SLC22A25: variants seen among roughly 807,000 people sequenced by gnomAD.
SLC22A25 encodes the protein solute carrier family 22 member 25, also known as MGI:2442751, MGI:2385316, MGI:3042283, MGI:3645714, MGI:3605624, MGI:2442750.
SLC22A25 carries 44 observed loss-of-function variants against 45.9 expected under a neutral mutation model. The ratio of observed to expected loss-of-function variants is 0.96; its 90% CI spans 0.75 to 1.23. The LOEUF (loss-of-function observed/expected upper bound fraction) is 1.23. Ranked by LOEUF, SLC22A25 falls within the 50% of genes most tolerant of loss-of-function variation. The pLI is 0.00. For synonymous variants in SLC22A25, 283 were observed against 238.6 expected, an observed-to-expected ratio of 1.19 and a Z score of -1.72; for missense variants, 800 against 666.4, an observed-to-expected ratio of 1.20 and a Z score of -2.21.
At chr11:63,233,364 G>C (rs1250639828) in intron 3 of SLC22A25, among the ~76,000 whole-genome samples, 1 of 152,146 alleles carries the variant, frequency 6.6e-6, no homozygotes, top group African/African-American at 2.4e-5. Context: ...TTAGTCTTGG[G>C]CGGGTGTATG....
Position 63,163,653 on chromosome 11 carries a change from G to C in SLC22A25, c.*171C>G. ...ACAAATTAACCTCCTGGACAGGCTG[G>C]GCAGAGATGGTCTGTGTGATCTAGT... On this transcript the variant is annotated 3_prime_UTR_variant, in exon 12 of 12. Transcript: ENST00000306494. 1 of 970,514 alleles carries C rather than the reference G, an allele frequency of 1.0e-6. No individual in the cohort carries two copies. Among genetic ancestry groups the C allele is most frequent in the Non-Finnish European group, 1.5e-6 (1 of 685,928 alleles). 60.1% of individuals were successfully genotyped at this position (970,514 alleles called of 1,614,324 possible).
chr11:63,171,555 A>C (rs777843257), intron 9 of SLC22A25, among the ~76,000 whole-genome samples: 1 of 152,230 alleles, frequency 6.6e-6, no homozygotes, highest in Admixed American at 6.5e-5. Flanking sequence ...ACTCCCATTC[A>C]CAATTGCTAC....
chr11:63,188,653 G>A (rs1184198607), intron 7 of SLC22A25, among the ~76,000 whole-genome samples: 1 of 152,014 alleles, frequency 6.6e-6, no homozygotes, highest in Non-Finnish European at 1.5e-5. Context: ...GTCAATTTTG[G>A]ATCTTTCCTG....
chr11:63,196,914 A>T (rs10897387), intron 7 of SLC22A25, among the ~76,000 whole-genome samples: 55,962 of 152,060 alleles, frequency 0.37, 10,566 homozygotes, highest in East Asian at 0.56. Context: ...AAGTCTCAGG[A>T]TACAAAATCA....
chr11:63,185,034 G>A (rs1182797937), intron 7 of SLC22A25, among the ~76,000 whole-genome samples: 2 of 152,126 alleles, frequency 1.3e-5, no homozygotes, highest in East Asian at 3.8e-4. Flanking sequence ...ACACATTGCA[G>A]GACCTGACAG....
intron 9 of SLC22A25, among the ~76,000 whole-genome samples, chr11:63,171,390 AT>A (rs1335853248): frequency 1.3e-5 from 2 of 152,170 alleles, no homozygotes; most frequent in Non-Finnish European, 2.9e-5. Context: ...AGATGACATG[AT>A]TGTATATTTA....
intron 8 of SLC22A25, 111 bp downstream of exon 8, chr11:63,183,583 C>T (rs1368631529): frequency 4.3e-6 from 6 of 1,384,282 alleles, no homozygotes; most frequent in Middle Eastern, 3.6e-4. Flanking sequence ...GGTGAGATGA[C>T]CCATAACTCT....
chr11:63,178,407 G>T (rs1320231318), intron 9 of SLC22A25, among the ~76,000 whole-genome samples: 1 of 151,482 alleles, frequency 6.6e-6, no homozygotes. Context: ...GTTTTGCATA[G>T]TGGCTGTACT....
At chr11:63,190,517 T>C (rs1590827938) in intron 7 of SLC22A25, among the ~76,000 whole-genome samples, 1 of 151,122 alleles carries the variant, frequency 6.6e-6, no homozygotes, top group South Asian at 2.1e-4. Flanking sequence ...CGGAGTAGTT[T>C]GATCATCTGA....
intron 9 of SLC22A25, among the ~76,000 whole-genome samples, chr11:63,171,428 A>G (rs1173916192): frequency 6.6e-6 from 1 of 152,026 alleles, no homozygotes; most frequent in Non-Finnish European, 1.5e-5. Flanking sequence ...CAGCCCCAAA[A>G]CTCCTTAAGC....
intron 9 of SLC22A25, among the ~76,000 whole-genome samples, chr11:63,178,687 G>A (rs918316762): frequency 1.3e-5 from 2 of 151,810 alleles, no homozygotes; most frequent in African/African-American, 4.8e-5. Context: ...AGTTGTTTAT[G>A]TTCCTTATAG....
chr11:63,207,817 T>A (rs1205474523), intron 7 of SLC22A25, among the ~76,000 whole-genome samples: 3 of 152,226 alleles, frequency 2.0e-5, no homozygotes, highest in African/African-American at 7.2e-5. Flanking sequence ...CATGTTTGTT[T>A]TTGAAATGTA....
Position 63,166,081 on chromosome 11 carries a change from C to T in SLC22A25, c.1248G>A (p.Leu416=), listed in dbSNP as rs770143605. 5 of 1,613,816 alleles carry T rather than the reference C, an allele frequency of 3.1e-6. No homozygotes were observed. Among genetic ancestry groups the T allele is most frequent in the Non-Finnish European group, 2.5e-6 (3 of 1,179,926 alleles). The change falls in exon 10 of 12, where the codon CTG becomes CTA. Residue 416 remains leucine (L), a synonymous_variant. Coordinates refer to ENST00000306494, the MANE Select transcript of SLC22A25 (RefSeq NM_199352.6). ...RLSQMLLMFL[L]ATCLLAIIFV... is the part of the protein sequence containing the mutation. ...ATATGATGGCCAGAAGGCAGGTTGC[C>T]AGTAGGAACATGAGAAGCATCTGGC...
chr11:63,231,809 G>A (rs1438518398), intron 3 of SLC22A25, among the ~76,000 whole-genome samples: 2 of 152,122 alleles, frequency 1.3e-5, no homozygotes, highest in Non-Finnish European at 2.9e-5. Flanking sequence ...TAATTTTTGT[G>A]TAAGGTATAA....
chr11:63,193,424 T>G lies in SLC22A25; in HGVS notation c.831-9607A>C, dbSNP rs564121643. ...CACCTCATACAACTGGGTGCCCCCCTGAGACGAAGTTCCAGAGGAAGGATC... is the reference window on the plus strand; with the variant it reads ...CACCTCATACAACTGGGTGCCCCCCGGAGACGAAGTTCCAGAGGAAGGATC... On this transcript the variant is annotated intron_variant, in intron 7 of 11. Coordinates refer to ENST00000306494, the MANE Select transcript of SLC22A25 (RefSeq NM_199352.6). 3.9e-5 allele frequency among the ~76,000 whole-genome samples: 6 copies of G among 152,328 alleles called. No homozygotes were observed. In the East Asian group the frequency reaches 9.7e-4, roughly 25 times the overall value.
chr11:63,217,982 T>TCAAAA, intron 5 of SLC22A25: 1 of 625,336 alleles, frequency 1.6e-6, no homozygotes, highest in Non-Finnish European at 2.9e-6. Flanking sequence ...TGATACAAAT[T>TCAAAA]CAAAACATGT....
In SLC22A25 at chr11:63,165,908, A is replaced by C. The variant is rs938039453; in HGVS notation, c.1285+136T>G. 5 of 1,141,870 alleles carry C rather than the reference A, an allele frequency of 4.4e-6. No homozygotes were observed. The East Asian group carries it at 1.0e-4, about 24-fold the overall frequency. The allele number at this position is 1,141,870 out of a possible 1,614,324, so 70.7% of individuals were successfully genotyped here. On this transcript the variant is annotated intron_variant, in intron 10 of 11. Coordinates refer to ENST00000306494, the MANE Select transcript of SLC22A25 (RefSeq NM_199352.6). The stretch of plus-strand genomic sequence containing the variant: ...TTCCGTGTGGCAAAATCTGTCCTAA[A>C]GCCCCAGATTTCTATCAGGGAATCC...
At chr11:63,213,625 G>A (rs2089635150) in intron 7 of SLC22A25, among the ~76,000 whole-genome samples, 1 of 152,138 alleles carries the variant, frequency 6.6e-6, no homozygotes, top group Admixed American at 6.6e-5. Context: ...GGACTTCTGT[G>A]TGAAAATCCC....
At chr11:63,196,427 C>G (rs1023886881) in intron 7 of SLC22A25, among the ~76,000 whole-genome samples, 2 of 152,178 alleles carry the variant, frequency 1.3e-5, no homozygotes. Flanking sequence ...TGACTTCATC[C>G]CTGGGATGCA....
Sources: gnomAD v4.1 joint callset for allele counts (sites outside exome capture counted in the v4.1 genomes callset) on GRCh38, gnomAD v4.1.1 for gene constraint, MANE v1.5 for transcripts, NCBI Gene and HGNC (gene_info 2026-07-23, HGNC 2026-07-21) for gene names.